The following PATJ variants were observed in gnomAD, a reference collection of about 807,000 sequenced individuals.
PATJ encodes PATJ crumbs cell polarity complex component.
PATJ carries 190 observed loss-of-function variants against 224.9 expected under a neutral mutation model. The observed-to-expected ratio is 0.84, with a 90% CI of 0.75 to 0.95. The LOEUF (loss-of-function observed/expected upper bound fraction) is 0.95, where lower values mean the gene tolerates loss of function less well. Ranked by LOEUF, PATJ falls within the 40% of genes least tolerant of loss-of-function variation. The probability of loss-of-function intolerance (pLI) is 0.00; values close to 1 mark genes in which losing one functional copy is unlikely to be tolerated. For synonymous variants in PATJ, 769 were observed against 820.3 expected, an observed-to-expected ratio of 0.94 and a Z score of 1.07; for missense variants, 2,121 against 2,270.3, an observed-to-expected ratio of 0.93 and a Z score of 1.34.
intron 27 of PATJ, among the ~76,000 whole-genome samples, chr1:61,983,040 T>C (rs1054244576): frequency 2.0e-5 from 3 of 151,988 alleles, no homozygotes; most frequent in African/African-American, 7.3e-5. Flanking sequence ...CTTATTTCTT[T>C]ATCAAATGGA....
chr1:62,081,317 A>G (rs1659251737), intron 32 of PATJ, among the ~76,000 whole-genome samples: 1 of 152,200 alleles, frequency 6.6e-6, no homozygotes, highest in African/African-American at 2.4e-5. Flanking sequence ...AGTTGAATCT[A>G]TAGAAATTTT....
intron 25 of PATJ, among the ~76,000 whole-genome samples, chr1:61,912,177 A>G: frequency 1.3e-5 from 2 of 152,184 alleles, no homozygotes; most frequent in Middle Eastern, 6.8e-3. Flanking sequence ...TCACCTATAA[A>G]TATATTTTTA....
chr1:61,763,162 A>G lies in PATJ; in HGVS notation c.172A>G (p.Lys58Glu), dbSNP rs1339920476. 2 of 1,585,842 alleles carry G rather than the reference A, an allele frequency of 1.3e-6. No homozygotes were observed. Among genetic ancestry groups the G allele is most frequent in the Non-Finnish European group, 1.7e-6 (2 of 1,167,526 alleles). The change falls in exon 3 of 44, where the codon AAG becomes GAG. Residue 58 changes from lysine (K) to glutamate (E), a missense_variant. Lys to Glu is a moderately conservative substitution (Grantham distance 56). Transcript: ENST00000642238. ...NQILTLQQSI[K>E]QLKGQLNHIP... ...GATACTCACACTTCAGCAGTCCATC[A>G]AGCAACTGAAGGGTCAAGTAAGTTA... is the stretch of plus-strand genomic sequence containing the variant.
At chr1:61,975,016 C>T (rs1299078229) in intron 27 of PATJ, among the ~76,000 whole-genome samples, 1 of 151,988 alleles carries the variant, frequency 6.6e-6, no homozygotes, top group Non-Finnish European at 1.5e-5. Flanking sequence ...ATAATCTTGG[C>T]TTTCTGTGAC....
chr1:61,881,407 A>ATTTT (rs34051620), intron 21 of PATJ, among the ~76,000 whole-genome samples: 5 of 110,096 alleles, frequency 4.5e-5, no homozygotes, highest in African/African-American at 1.7e-4. Flanking sequence ...TAAAACAGTT[A>ATTTT]TTTTTTTTTT....
intron 33 of PATJ, among the ~76,000 whole-genome samples, chr1:62,102,851 C>T (rs1662359604): frequency 7.9e-6 from 1 of 126,834 alleles, no homozygotes; most frequent in Non-Finnish European, 1.6e-5. Context: ...CAGAGCAATA[C>T]CCTGTCTCAA....
At chr1:61,861,869 C>G (rs139845864) in intron 19 of PATJ, among the ~76,000 whole-genome samples, 1,755 of 152,168 alleles carry the variant, frequency 0.012, 39 homozygotes, top group African/African-American at 0.04. Flanking sequence ...TTCTCTCTCT[C>G]TCTCTTTTTT....
At chr1:61,861,284 C>CTTTTTTTGTTTTT (rs1664501383) in intron 18 of PATJ, among the ~76,000 whole-genome samples, 1 of 48,848 alleles carries the variant, frequency 2.0e-5, no homozygotes, top group Non-Finnish European at 4.2e-5. Context: ...TTCTTTCTTT[C>CTTTTTTTGTTTTT]TTTTTTTTTT....
intron 29 of PATJ, among the ~76,000 whole-genome samples, chr1:62,026,322 G>A (rs1271816311): frequency 6.6e-6 from 1 of 152,162 alleles, no homozygotes; most frequent in Non-Finnish European, 1.5e-5. Flanking sequence ...TGTTAATTCA[G>A]TGTCATGTTC....
intron 37 of PATJ, chr1:62,117,522 C>T: frequency 3.5e-6 from 2 of 564,996 alleles, no homozygotes; most frequent in Non-Finnish European, 4.7e-6. Flanking sequence ...AAAAAAAAGG[C>T]AACATCTGGT....
chr1:62,123,772 C>A (rs1400681174), intron 39 of PATJ, among the ~76,000 whole-genome samples: 2 of 141,582 alleles, frequency 1.4e-5, no homozygotes, highest in African/African-American at 5.4e-5. Context: ...GCACCGTGCC[C>A]GGCCAAATGT....
At position 61,918,550 on chromosome 1, in the gene PATJ, A is replaced by G. The variant is rs114607422; in HGVS notation, c.3570+3886A>G. On this transcript the variant is annotated intron_variant, in intron 26 of 43. Coordinates refer to ENST00000642238, the MANE Select transcript of PATJ (RefSeq NM_001350145.3). ...GGTCTTGAACTCTTGAGCTCAGGCA[A>G]TCTGCCCACCTCCGCCTCTCAAAGT... Among the ~76,000 whole-genome samples, 611 of 152,030 alleles carry G rather than the reference A, an allele frequency of 4.0e-3. 8 individuals carry two copies. Among genetic ancestry groups the G allele is most frequent in the African/African-American group, 0.013 (556 of 41,488 alleles).
chr1:61,946,130 G>A (rs1343421479), intron 27 of PATJ, among the ~76,000 whole-genome samples: 1 of 152,118 alleles, frequency 6.6e-6, no homozygotes, highest in East Asian at 1.9e-4. Context: ...ATCTAAAATT[G>A]ACACCCTAAC....
At chr1:62,128,998 A>T in intron 41 of PATJ, 53 bp downstream of exon 41, 2 of 1,237,798 alleles carry the variant, frequency 1.6e-6, no homozygotes, top group Non-Finnish European at 2.4e-6. Context: ...GTGGCATGCA[A>T]AAAAGATTGA....
chr1:62,054,445 G>T, intron 31 of PATJ: 1 of 297,102 alleles, frequency 3.4e-6, no homozygotes. Flanking sequence ...ATATTCAGTT[G>T]GTTGGCTTTG....
chr1:62,148,200 G>C, intron 41 of PATJ, 84 bp from the exon 42 acceptor site: 1 of 768,354 alleles, frequency 1.3e-6, no homozygotes, highest in Non-Finnish European at 2.3e-6. Context: ...GATTAGGATT[G>C]AGAACTGACC....
chr1:61,814,423 G>C (rs545840085), intron 14 of PATJ, among the ~76,000 whole-genome samples: 2 of 152,024 alleles, frequency 1.3e-5, no homozygotes, highest in African/African-American at 2.4e-5. Context: ...GATTACAGGC[G>C]TGAGCCACCG....
chr1:61,907,375 C>G (rs1420706534), intron 24 of PATJ, among the ~76,000 whole-genome samples: 1 of 152,088 alleles, frequency 6.6e-6, no homozygotes, highest in Non-Finnish European at 1.5e-5. Context: ...CAGTGCTCAC[C>G]AAATCTTTTT....
chr1:61,900,578 G>A (rs946568499), intron 23 of PATJ, among the ~76,000 whole-genome samples: 4 of 100,090 alleles, frequency 4.0e-5, no homozygotes, highest in African/African-American at 1.5e-4. Flanking sequence ...GACATATGTG[G>A]CTTTCTTTTC....
Sources: allele counts gnomAD v4.1 joint callset (sites outside exome capture counted in the v4.1 genomes callset), GRCh38; gene constraint gnomAD v4.1.1; transcripts MANE v1.5; gene names NCBI Gene and HGNC (gene_info 2026-07-23, HGNC 2026-07-21).